NCAM2: variants seen among roughly 807,000 people sequenced by gnomAD.
NCAM2 encodes N-CAM-2.
Under a neutral mutation model 98.1 loss-of-function variants are expected in NCAM2, and 30 were observed. The observed-to-expected ratio is 0.31, with a 90% CI of 0.23 to 0.41. NCAM2 has a LOEUF of 0.41. NCAM2 is among the 10% of genes least tolerant of loss of function. NCAM2 has a pLI of 1.00. For synonymous variants in NCAM2, 368 were observed against 342.4 expected (o/e 1.07, Z -0.83); for missense variants, 867 against 1,005.8 (o/e 0.86, Z 1.87).
At chr21:21,226,197 A>G (rs768636376) in intron 1 of NCAM2, among the ~76,000 whole-genome samples, 3 of 152,080 alleles carry the variant, frequency 2.0e-5, no homozygotes, top group Non-Finnish European at 4.4e-5. Flanking sequence ...AAAACTACCT[A>G]TTGGGTGCTA....
intron 14 of NCAM2, among the ~76,000 whole-genome samples, chr21:21,473,095 G>C (rs1368927026): frequency 6.6e-6 from 1 of 151,086 alleles, no homozygotes; most frequent in Non-Finnish European, 1.5e-5. Flanking sequence ...TTTGTCCCAG[G>C]TTTCATGCTA....
chr21:21,411,071 C>CATATATATGTGT (rs1471958720), intron 10 of NCAM2, among the ~76,000 whole-genome samples: 2 of 8,310 alleles, frequency 2.4e-4, no homozygotes, highest in Non-Finnish European at 4.4e-4. Context: ...TATATATATA[C>CATATATATGTGT]ACACACATAT....
intron 1 of NCAM2, among the ~76,000 whole-genome samples, chr21:21,038,439 C>T (rs1396125807): frequency 6.6e-6 from 1 of 152,082 alleles, no homozygotes; most frequent in African/African-American, 2.4e-5. Flanking sequence ...TCCCATAACC[C>T]CCATGTGTTG....
At chr21:21,176,562 A>C (rs184514878) in intron 1 of NCAM2, among the ~76,000 whole-genome samples, 5 of 152,230 alleles carry the variant, frequency 3.3e-5, no homozygotes, top group Admixed American at 3.3e-4. Context: ...TGACACATTT[A>C]TTACAATGTA....
At chr21:21,041,706 T>C (rs1002707085) in intron 1 of NCAM2, among the ~76,000 whole-genome samples, 4 of 152,158 alleles carry the variant, frequency 2.6e-5, no homozygotes, top group Non-Finnish European at 4.4e-5. Flanking sequence ...GAATTTGACT[T>C]TGCTTCAGGG....
chr21:21,010,148 T>C (rs1243141214), intron 1 of NCAM2, among the ~76,000 whole-genome samples: 1 of 152,114 alleles, frequency 6.6e-6, no homozygotes, highest in Admixed American at 6.5e-5. Context: ...ATTTTTACTT[T>C]TATCTCCCTC....
intron 16 of NCAM2, among the ~76,000 whole-genome samples, chr21:21,511,083 G>T: frequency 6.6e-6 from 1 of 151,836 alleles, no homozygotes; most frequent in East Asian, 1.9e-4. Flanking sequence ...TGTGGTATCT[G>T]TCACTTCAAA....
intron 8 of NCAM2, among the ~76,000 whole-genome samples, chr21:21,352,051 A>G (rs562666783): frequency 6.6e-6 from 1 of 152,042 alleles, no homozygotes; most frequent in East Asian, 1.9e-4. Context: ...TTTGAATCAA[A>G]GTTGTTTGGT....
At chr21:21,518,955 G>A (rs1354785410) in intron 16 of NCAM2, among the ~76,000 whole-genome samples, 1 of 152,088 alleles carries the variant, frequency 6.6e-6, no homozygotes, top group Non-Finnish European at 1.5e-5. Context: ...TACCTCTCAG[G>A]GAGGTGACAT....
intron 1 of NCAM2, among the ~76,000 whole-genome samples, chr21:21,027,925 C>T (rs988456652): frequency 2.7e-5 from 4 of 150,790 alleles, no homozygotes; most frequent in Non-Finnish European, 5.9e-5. Flanking sequence ...GGCACGATCT[C>T]GGCTCGCTGC....
intron 1 of NCAM2, among the ~76,000 whole-genome samples, chr21:21,164,861 G>A (rs937631842): frequency 1.3e-5 from 2 of 152,150 alleles, no homozygotes; most frequent in African/African-American, 4.8e-5. Context: ...ACAGTTCACA[G>A]ATAAATAAAT....
chr21:21,252,569 CAA>C (rs1190971166), intron 1 of NCAM2, among the ~76,000 whole-genome samples: 2 of 151,926 alleles, frequency 1.3e-5, no homozygotes, highest in South Asian at 2.1e-4. Context: ...CAAAATGAAA[CAA>C]GAGTGACATA....
intron 1 of NCAM2, among the ~76,000 whole-genome samples, chr21:21,154,878 A>G (rs1316917901): frequency 6.6e-5 from 10 of 151,794 alleles, no homozygotes; most frequent in Admixed American, 2.0e-4. Context: ...AAAATATTAG[A>G]CATACAAGAA....
intron 1 of NCAM2, among the ~76,000 whole-genome samples, chr21:21,098,018 GA>G (rs1391868268): frequency 7.4e-5 from 2 of 26,862 alleles, no homozygotes; most frequent in African/African-American, 1.2e-4. Context: ...GAAATACAAT[GA>G]AAAGAATTTA....
chr21:21,247,302 G>A (rs565004681), intron 1 of NCAM2, among the ~76,000 whole-genome samples: 36 of 152,264 alleles, frequency 2.4e-4, no homozygotes, highest in Non-Finnish European at 3.7e-4. Context: ...TTGGGCGACA[G>A]AGCAAGACTC....
intron 1 of NCAM2, among the ~76,000 whole-genome samples, chr21:21,007,566 G>A (rs2064134324): frequency 6.6e-6 from 1 of 152,072 alleles, no homozygotes; most frequent in Non-Finnish European, 1.5e-5. Flanking sequence ...GAAACTGAAG[G>A]TGCCTCTCCT....
At chr21:21,262,645 C>A (rs2071952887) in intron 1 of NCAM2, among the ~76,000 whole-genome samples, 1 of 40,610 alleles carries the variant, frequency 2.5e-5, no homozygotes, top group African/African-American at 8.3e-5. Context: ...AAGACCTAGC[C>A]AGAACAATCA....
intron 1 of NCAM2, among the ~76,000 whole-genome samples, chr21:21,224,136 G>A (rs947598480): frequency 6.6e-6 from 1 of 152,150 alleles, no homozygotes; most frequent in African/African-American, 2.4e-5. Context: ...AGCACAGAAT[G>A]TTAAAGACAA....
chr21:21,134,775 G>T (rs2067008858), intron 1 of NCAM2, among the ~76,000 whole-genome samples: 1 of 149,216 alleles, frequency 6.7e-6, no homozygotes, highest in African/African-American at 2.5e-5. Flanking sequence ...CGGTGGTGCA[G>T]TGATCACAAC....
Sources: gnomAD v4.1 joint callset for allele counts (sites outside exome capture counted in the v4.1 genomes callset) on GRCh38, gnomAD v4.1.1 for gene constraint, MANE v1.5 for transcripts, NCBI Gene and HGNC (gene_info 2026-07-23, HGNC 2026-07-21) for gene names.